RUNX2: variants seen among roughly 807,000 people sequenced by gnomAD.
RUNX2 encodes the protein runt-related transcription factor 2.
Under a neutral mutation model 51.7 loss-of-function variants are expected in RUNX2, and 10 were observed. The observed-to-expected ratio is 0.19, with a 90% CI of 0.12 to 0.33. The LOEUF (loss-of-function observed/expected upper bound fraction) is 0.33, where lower values mean the gene tolerates loss of function less well. Among genes scored for constraint, RUNX2 ranks in the 10% least tolerant of loss-of-function variants. The probability of loss-of-function intolerance (pLI) is 1.00; values close to 1 mark genes in which losing one functional copy is unlikely to be tolerated. For missense variants in RUNX2, 562 were observed against 691.3 expected, an observed-to-expected ratio of 0.81 and a Z score of 2.10; for synonymous variants, 276 against 273.6, an observed-to-expected ratio of 1.01 and a Z score of -0.09.
At position 45,534,587 on chromosome 6, in the gene RUNX2, G is replaced by T. The variant is rs933820201; in HGVS notation, c.1022-10630G>T. On this transcript the variant is annotated intron_variant, in intron 7 of 8. Coordinates refer to ENST00000647337, the MANE Select transcript of RUNX2 (RefSeq NM_001024630.4). The stretch of plus-strand genomic sequence containing the variant: ...AAAGAGGGCAAGCCAGGGAACTGAG[G>T]AGAGCAAGAGACGCACCACAGAACT... Among the ~76,000 whole-genome samples, 4 of 152,206 alleles carry T rather than the reference G, an allele frequency of 2.6e-5. No homozygotes were observed. The South Asian group carries it at 8.3e-4, about 31-fold the overall frequency.
intron 3 of RUNX2, among the ~76,000 whole-genome samples, chr6:45,430,200 G>C (rs1347650206): frequency 1.3e-5 from 2 of 152,150 alleles, no homozygotes; most frequent in Non-Finnish European, 2.9e-5. Flanking sequence ...CTTCTCTCGT[G>C]TAGTTTCCTA....
intron 2 of RUNX2, among the ~76,000 whole-genome samples, chr6:45,356,642 T>A (rs1793247940): frequency 6.6e-6 from 1 of 152,028 alleles, no homozygotes; most frequent in Admixed American, 6.6e-5. Context: ...TGACCTCAAG[T>A]GATCTGCCCA....
chr6:45,376,454 A>C (rs1433888657), intron 2 of RUNX2, among the ~76,000 whole-genome samples: 1 of 152,256 alleles, frequency 6.6e-6, no homozygotes, highest in Non-Finnish European at 1.5e-5. Context: ...AATAAAATTA[A>C]AAATTAAGTT....
At chr6:45,404,632 A>G (rs1797794725) in intron 2 of RUNX2, among the ~76,000 whole-genome samples, 1 of 152,250 alleles carries the variant, frequency 6.6e-6, no homozygotes. Context: ...GCCTGTCTGC[A>G]GCATATTAGA....
intron 2 of RUNX2, among the ~76,000 whole-genome samples, chr6:45,368,513 T>C (rs763128793): frequency 6.6e-6 from 1 of 152,136 alleles, no homozygotes; most frequent in Non-Finnish European, 1.5e-5. Context: ...TGCTACTGGG[T>C]TTCTAGTTAG....
intron 6 of RUNX2, among the ~76,000 whole-genome samples, chr6:45,493,654 A>AAAAAAAG (rs943572705): frequency 1.1e-4 from 17 of 152,096 alleles, no homozygotes; most frequent in Non-Finnish European, 4.4e-5. Flanking sequence ...TATATGTAAA[A>AAAAAAAG]AAAAAAGTAG....
At chr6:45,524,220 T>C (rs1727690821) in intron 7 of RUNX2, among the ~76,000 whole-genome samples, 1 of 152,202 alleles carries the variant, frequency 6.6e-6, no homozygotes. Flanking sequence ...ACTGCCTAAA[T>C]TTTTTTATAT....
intron 5 of RUNX2, among the ~76,000 whole-genome samples, chr6:45,439,747 G>T (rs772901357): frequency 6.6e-5 from 10 of 152,052 alleles, no homozygotes; most frequent in Non-Finnish European, 1.2e-4. Context: ...ATGCTCAAAA[G>T]TTGATGGCTG....
At chr6:45,373,632 C>T (rs930010246) in intron 2 of RUNX2, among the ~76,000 whole-genome samples, 2 of 152,078 alleles carry the variant, frequency 1.3e-5, no homozygotes, top group African/African-American at 4.8e-5. Context: ...CTCACTGCAA[C>T]CTCCGCCTCC....
chr6:45,474,713 T>C (rs2790098), intron 5 of RUNX2, among the ~76,000 whole-genome samples: 40,818 of 152,034 alleles, frequency 0.27, 6,138 homozygotes, highest in Non-Finnish European at 0.34. Flanking sequence ...CAAAATAATC[T>C]ATGACTGTGA....
At chr6:45,348,351 G>A (rs865932736) in intron 2 of RUNX2, among the ~76,000 whole-genome samples, 5 of 151,184 alleles carry the variant, frequency 3.3e-5, no homozygotes, top group African/African-American at 7.3e-5. Flanking sequence ...TAGTTTTATC[G>A]TCTCCTCATT....
intron 7 of RUNX2, among the ~76,000 whole-genome samples, chr6:45,544,320 GC>G (rs1802322781): frequency 6.6e-6 from 1 of 152,110 alleles, no homozygotes. Context: ...AGTGATCCTG[GC>G]ATGTGATGGG....
chr6:45,427,359 C>T (rs1798412034), intron 3 of RUNX2, among the ~76,000 whole-genome samples: 1 of 151,982 alleles, frequency 6.6e-6, no homozygotes, highest in South Asian at 2.1e-4. Context: ...TGCTGCTTTA[C>T]ATTGAAATAA....
chr6:45,377,040 T>A (rs1796887065), intron 2 of RUNX2, among the ~76,000 whole-genome samples: 1 of 152,146 alleles, frequency 6.6e-6, no homozygotes, highest in African/African-American at 2.4e-5. Context: ...CATATCACTG[T>A]CTTCATAACT....
At chr6:45,364,403 T>A (rs1480721667) in intron 2 of RUNX2, among the ~76,000 whole-genome samples, 3 of 152,182 alleles carry the variant, frequency 2.0e-5, no homozygotes, top group African/African-American at 7.2e-5. Flanking sequence ...GGAAGACACT[T>A]AAACCTTCAA....
chr6:45,397,328 C>G (rs971003665), intron 2 of RUNX2, among the ~76,000 whole-genome samples: 7 of 152,066 alleles, frequency 4.6e-5, no homozygotes, highest in African/African-American at 1.4e-4. Flanking sequence ...CCAGGATGGT[C>G]TCGATCTCGT....
At chr6:45,443,733 A>G (rs1420400712) in intron 5 of RUNX2, among the ~76,000 whole-genome samples, 1 of 152,246 alleles carries the variant, frequency 6.6e-6, no homozygotes, top group Non-Finnish European at 1.5e-5. Context: ...GGTGCTTGGT[A>G]TTAGCAGATC....
chr6:45,495,591 G>A (rs1206676003), intron 6 of RUNX2, among the ~76,000 whole-genome samples: 1 of 152,126 alleles, frequency 6.6e-6, no homozygotes, highest in Non-Finnish European at 1.5e-5. Flanking sequence ...GTAACAGGAA[G>A]GGCCCAGTTT....
chr6:45,439,268 T>A (rs1798775532), intron 5 of RUNX2, among the ~76,000 whole-genome samples: 1 of 152,184 alleles, frequency 6.6e-6, no homozygotes, highest in South Asian at 2.1e-4. Context: ...AGGTTCATAA[T>A]GTTGAGTCAG....
Sources: allele counts gnomAD v4.1 joint callset (sites outside exome capture counted in the v4.1 genomes callset), GRCh38; gene constraint gnomAD v4.1.1; transcripts MANE v1.5; gene names NCBI Gene and HGNC (gene_info 2026-07-23, HGNC 2026-07-21).